Variants in PDGFC observed in about 807,000 individuals in gnomAD.
PDGFC encodes the protein platelet derived growth factor C.
PDGFC carries 12 observed loss-of-function variants against 35.5 expected under a neutral mutation model. That is an observed-to-expected ratio of 0.34 (90% confidence interval 0.22 to 0.55). The LOEUF (loss-of-function observed/expected upper bound fraction) is 0.55. PDGFC is among the 20% of genes least tolerant of loss of function. The pLI is 0.91. For synonymous variants in PDGFC, 159 were observed against 148.8 expected, an observed-to-expected ratio of 1.07 and a Z score of -0.50; for missense variants, 322 against 412.4, an observed-to-expected ratio of 0.78 and a Z score of 1.90.
intron 1 of PDGFC, among the ~76,000 whole-genome samples, chr4:156,859,460 G>T (rs566471058): frequency 1.3e-5 from 2 of 152,176 alleles, no homozygotes; most frequent in East Asian, 3.9e-4. Flanking sequence ...CATGATATTT[G>T]AAATTTGGAA....
At chr4:156,880,978 T>C (rs577057284) in intron 1 of PDGFC, among the ~76,000 whole-genome samples, 19 of 152,298 alleles carry the variant, frequency 1.2e-4, no homozygotes, top group African/African-American at 4.1e-4. Context: ...AGTTAGTTGA[T>C]AAAGCAACAA....
intron 1 of PDGFC, among the ~76,000 whole-genome samples, chr4:156,955,390 TCAC>T: frequency 6.6e-6 from 1 of 151,862 alleles, no homozygotes; most frequent in Non-Finnish European, 1.5e-5. Flanking sequence ...TTAAATGTTT[TCAC>T]CACGAAAAAA....
intron 3 of PDGFC, among the ~76,000 whole-genome samples, chr4:156,790,647 C>T (rs1731273707): frequency 6.6e-6 from 1 of 152,158 alleles, no homozygotes; most frequent in Non-Finnish European, 1.5e-5. Context: ...AAATTCTATC[C>T]ATCCCAATTT....
At chr4:156,769,414 C>T (rs923579622) in intron 4 of PDGFC, among the ~76,000 whole-genome samples, 4 of 151,626 alleles carry the variant, frequency 2.6e-5, no homozygotes, top group South Asian at 2.1e-4. Context: ...TTTTAAGAAA[C>T]GTATTATAAA....
At chr4:156,861,365 A>T in intron 1 of PDGFC, 1 of 547,772 alleles carries the variant, frequency 1.8e-6, no homozygotes, top group Non-Finnish European at 3.0e-6. Context: ...ACATGAAAGT[A>T]CAACAGTTTC....
chr4:156,824,323 T>TACACAC (rs747886695), intron 2 of PDGFC, among the ~76,000 whole-genome samples: 37 of 95,780 alleles, frequency 3.9e-4, no homozygotes, highest in African/African-American at 1.8e-3. Context: ...TATATATATA[T>TACACAC]ATATACACAC....
At chr4:156,784,314 G>A (rs752663005) in intron 3 of PDGFC, among the ~76,000 whole-genome samples, 16 of 152,180 alleles carry the variant, frequency 1.1e-4, no homozygotes, top group Non-Finnish European at 1.8e-4. Context: ...TAAGGGTCGG[G>A]AAGAGAGCCT....
intron 1 of PDGFC, among the ~76,000 whole-genome samples, chr4:156,901,176 T>C (rs545819001): frequency 5.3e-5 from 8 of 152,280 alleles, no homozygotes; most frequent in African/African-American, 1.9e-4. Context: ...AGAGATTCCA[T>C]TTCATCAGAT....
intron 1 of PDGFC, among the ~76,000 whole-genome samples, chr4:156,863,487 C>T (rs763043048): frequency 2.6e-5 from 4 of 152,102 alleles, no homozygotes; most frequent in African/African-American, 9.7e-5. Context: ...GTTATATTTA[C>T]AGTACTTTAT....
intron 3 of PDGFC, among the ~76,000 whole-genome samples, chr4:156,782,427 T>C (rs1446472771): frequency 6.6e-6 from 1 of 152,194 alleles, no homozygotes; most frequent in Non-Finnish European, 1.5e-5. Flanking sequence ...AAGAAACTTC[T>C]GTAAAGTAAC....
intron 1 of PDGFC, among the ~76,000 whole-genome samples, chr4:156,897,566 A>T (rs1038928788): frequency 2.0e-5 from 3 of 152,076 alleles, no homozygotes; most frequent in African/African-American, 7.2e-5. Flanking sequence ...AATTATATAT[A>T]TTTTTTTCTA....
At chr4:156,904,324 C>T (rs1293875887) in intron 1 of PDGFC, among the ~76,000 whole-genome samples, 18 of 152,048 alleles carry the variant, frequency 1.2e-4, no homozygotes, top group African/African-American at 4.3e-4. Flanking sequence ...TTAATACTGA[C>T]TTCAGGCAAA....
chr4:156,795,540 C>A (rs2110895535), intron 3 of PDGFC, among the ~76,000 whole-genome samples: 1 of 152,096 alleles, frequency 6.6e-6, no homozygotes, highest in African/African-American at 2.4e-5. Context: ...TAAATGTTTA[C>A]CAATATGTAC....
chr4:156,878,882 T>C (rs1730177457), intron 1 of PDGFC, among the ~76,000 whole-genome samples: 1 of 152,198 alleles, frequency 6.6e-6, no homozygotes, highest in South Asian at 2.1e-4. Context: ...TACCTAGAAG[T>C]AACTCCTACC....
chr4:156,881,759 G>A (rs945297693), intron 1 of PDGFC, among the ~76,000 whole-genome samples: 1 of 151,244 alleles, frequency 6.6e-6, no homozygotes, highest in East Asian at 1.9e-4. Flanking sequence ...GAACCCAGGA[G>A]GCAGAGGTTA....
rs749055201 is a variant in PDGFC at position 156,810,915 on chromosome 4, T to C, written c.417A>G (p.Gln139=). The C allele has an allele frequency of 1.3e-5, 21 of 1,606,550 alleles. No individual in the cohort carries two copies. The highest frequency in any genetic ancestry group is 1.6e-5 in the Non-Finnish European group (19 of 1,173,618). The change falls in exon 3 of 6, where the codon CAA becomes CAG. Residue 139 remains glutamine (Q), a synonymous_variant. Coordinates refer to ENST00000502773, the MANE Select transcript of PDGFC (RefSeq NM_016205.3). ...CATCAGATACAAATCTTATCCTAAT[T>C]TGATTTCCTTTAGAAATCTGTTTTC... ...VPGKQISKGN[Q]IRIRFVSDEY...
intron 3 of PDGFC, among the ~76,000 whole-genome samples, chr4:156,783,241 T>C (rs905505395): frequency 6.6e-6 from 1 of 152,050 alleles, no homozygotes; most frequent in African/African-American, 2.4e-5. Flanking sequence ...AGGAATGAAT[T>C]GGGGTCTGAT....
At chr4:156,776,293 T>C (rs758191142) in intron 3 of PDGFC, among the ~76,000 whole-genome samples, 1 of 152,238 alleles carries the variant, frequency 6.6e-6, no homozygotes, top group Non-Finnish European at 1.5e-5. Context: ...CTGGTTAGAA[T>C]ATGCAAAATA....
chr4:156,932,173 AT>A (rs951573850), intron 1 of PDGFC, among the ~76,000 whole-genome samples: 22 of 151,708 alleles, frequency 1.5e-4, no homozygotes, highest in Middle Eastern at 3.4e-3. Context: ...CTTTTAAGGG[AT>A]TTTTTTTTAA....
Sources: gnomAD v4.1 joint callset for allele counts (sites outside exome capture counted in the v4.1 genomes callset) on GRCh38, gnomAD v4.1.1 for gene constraint, MANE v1.5 for transcripts, NCBI Gene and HGNC (gene_info 2026-07-23, HGNC 2026-07-21) for gene names.